KLF8: variants seen among roughly 807,000 people sequenced by gnomAD.
KLF8 encodes KLF transcription factor 8, also known as Krueppel-like factor 8.
Under a neutral mutation model 18.2 loss-of-function variants are expected in KLF8, and 10 were observed. That is an observed-to-expected ratio of 0.55 (90% CI 0.34 to 0.93). KLF8 has a LOEUF of 0.93. Among genes scored for constraint, KLF8 ranks in the 40% least tolerant of loss-of-function variants. The pLI is 0.02. For missense variants in KLF8, 264 were observed against 277.9 expected (o/e 0.95, Z 0.36); for synonymous variants, 109 against 97.3 (o/e 1.12, Z -0.71).
At chrX:56,043,545 C>A in the KLF8 span, among the ~76,000 whole-genome samples, 13,046 of 110,381 alleles carry the variant, frequency 0.12, 1,357 homozygotes, top group African/African-American at 0.34. Flanking sequence ...TTTTTCTCTG[C>A]CTGTCTTATT....
At chrX:56,067,913 C>T in the KLF8 span, among the ~76,000 whole-genome samples, 1 of 112,549 alleles carries the variant, frequency 8.9e-6, no homozygotes, top group Non-Finnish European at 1.9e-5. Context: ...GATTGCTTTA[C>T]TTCCCCTTGC....
the KLF8 span, among the ~76,000 whole-genome samples, chrX:55,934,643 T>C: frequency 8.9e-6 from 1 of 112,714 alleles, no homozygotes; most frequent in Non-Finnish European, 1.9e-5. Flanking sequence ...CTAACTCCTC[T>C]ATTTGAGAAT....
At chrX:56,140,813 A>AG in the KLF8 span, among the ~76,000 whole-genome samples, 194 of 105,615 alleles carry the variant, frequency 1.8e-3, 1 homozygote, top group African/African-American at 6.6e-3. Context: ...AAAAAAAAAA[A>AG]AAAAAAGAAA....
At chrX:56,101,374 C>T in the KLF8 span, among the ~76,000 whole-genome samples, 1 of 111,990 alleles carries the variant, frequency 8.9e-6, no homozygotes, top group Non-Finnish European at 1.9e-5. Flanking sequence ...CTACCACTGA[C>T]AGACATCTAG....
At chrX:56,164,174 A>T in the KLF8 span, among the ~76,000 whole-genome samples, 1 of 105,795 alleles carries the variant, frequency 9.5e-6, no homozygotes, top group Non-Finnish European at 1.9e-5. Flanking sequence ...ATTAATTCAA[A>T]TAGGTTAGAT....
At chrX:56,145,212 T>C in the KLF8 span, among the ~76,000 whole-genome samples, 27 of 111,791 alleles carry the variant, frequency 2.4e-4, 1 homozygote, top group Non-Finnish European at 4.7e-4. Context: ...AACAAGCACA[T>C]GAAAAGATGC....
chrX:56,043,941 C>G, the KLF8 span, among the ~76,000 whole-genome samples: 1 of 112,452 alleles, frequency 8.9e-6, no homozygotes, highest in Non-Finnish European at 1.9e-5. Context: ...GTGGCTTTAT[C>G]TGCCTTCTAT....
the KLF8 span, among the ~76,000 whole-genome samples, chrX:56,065,520 A>G: frequency 9.0e-6 from 1 of 110,718 alleles, no homozygotes; most frequent in Admixed American, 9.6e-5. Flanking sequence ...TTTTAATACC[A>G]TTTTCAATTC....
At chrX:56,154,985 G>T in the KLF8 span, among the ~76,000 whole-genome samples, 2 of 112,021 alleles carry the variant, frequency 1.8e-5, no homozygotes, top group South Asian at 7.5e-4. Flanking sequence ...GGAGAAACAG[G>T]AACACTTTTA....
chrX:56,013,242 G>A, the KLF8 span, among the ~76,000 whole-genome samples: 6 of 112,622 alleles, frequency 5.3e-5, no homozygotes, highest in South Asian at 1.1e-3. Flanking sequence ...CTTGGATGGG[G>A]CCTGTAGCCC....
chrX:56,066,422 T>C, the KLF8 span, among the ~76,000 whole-genome samples: 1 of 112,078 alleles, frequency 8.9e-6, no homozygotes, highest in Non-Finnish European at 1.9e-5. Context: ...GGCCTGGATA[T>C]GTGCAGTATG....
chrX:56,106,506 C>T, the KLF8 span, among the ~76,000 whole-genome samples: 1 of 112,179 alleles, frequency 8.9e-6, no homozygotes, highest in African/African-American at 3.2e-5. Context: ...ATCGAATCAG[C>T]TACTGAAGCT....
chrX:56,211,690 G>A, the KLF8 span, among the ~76,000 whole-genome samples: 5 of 111,910 alleles, frequency 4.5e-5, no homozygotes, highest in Non-Finnish European at 9.4e-5. Flanking sequence ...AAAAACCTTT[G>A]AATTCTACCT....
intron 4 of KLF8, 115 bp downstream of exon 4, chrX:56,269,604 G>C: frequency 9.8e-7 from 1 of 1,023,864 alleles, no homozygotes; most frequent in Non-Finnish European, 1.2e-6. Flanking sequence ...GTAAGAATTT[G>C]AGGACAAGAA....
intron 1 of KLF8, among the ~76,000 whole-genome samples, chrX:56,240,023 C>T (rs905100116): frequency 3.6e-5 from 4 of 112,044 alleles, no homozygotes; most frequent in Admixed American, 2.8e-4. Flanking sequence ...TTCAATGATG[C>T]GGTTGTTTCA....
the KLF8 span, among the ~76,000 whole-genome samples, chrX:55,999,760 G>T: frequency 3.6e-5 from 4 of 110,593 alleles, 1 homozygote; most frequent in Admixed American, 9.6e-5. Context: ...GGAGTCTTTT[G>T]GGTTTTCAAG....
chrX:55,959,836 A>G, the KLF8 span, among the ~76,000 whole-genome samples: 4 of 110,697 alleles, frequency 3.6e-5, no homozygotes, highest in Non-Finnish European at 7.5e-5. Flanking sequence ...GGTGCATGAA[A>G]TTTTTTCCAA....
At chrX:56,089,640 A>G in the KLF8 span, among the ~76,000 whole-genome samples, 1 of 112,460 alleles carries the variant, frequency 8.9e-6, no homozygotes, top group Non-Finnish European at 1.9e-5. Context: ...AGACACAGAC[A>G]GGTGAATACA....
chrX:56,182,582 T>C, the KLF8 span, among the ~76,000 whole-genome samples: 1 of 112,474 alleles, frequency 8.9e-6, no homozygotes, highest in Non-Finnish European at 1.9e-5. Flanking sequence ...TGTTCTGTTT[T>C]CTCCCCATCT....
Sources: allele counts gnomAD v4.1 joint callset (sites outside exome capture counted in the v4.1 genomes callset), GRCh38; gene constraint gnomAD v4.1.1; transcripts MANE v1.5; gene names NCBI Gene and HGNC (gene_info 2026-07-23, HGNC 2026-07-21).